The following MFSD8 variants were observed in gnomAD, a reference collection of about 807,000 sequenced individuals.
MFSD8 encodes the protein major facilitator superfamily domain-containing protein 8.
A neutral mutation model predicts 66.4 loss-of-function variants in MFSD8; 55 were observed. The ratio of observed to expected loss-of-function variants is 0.83; its 90% confidence interval spans 0.67 to 1.04. The LOEUF (loss-of-function observed/expected upper bound fraction) is 1.04, where lower values mean the gene tolerates loss of function less well. Among genes scored for constraint, MFSD8 ranks in the 50% least tolerant of loss-of-function variants. MFSD8 has a pLI of 0.00. For missense variants in MFSD8, 550 were observed against 627.6 expected, an observed-to-expected ratio of 0.88 and a Z score of 1.32; for synonymous variants, 202 against 212.8, an observed-to-expected ratio of 0.95 and a Z score of 0.44.
chr4:127,918,113 ATCCTT>A lies in MFSD8; in HGVS notation c.*2512_*2516del, dbSNP rs950682143. On this transcript the variant is annotated 3_prime_UTR_variant, in exon 12 of 12. Transcript: ENST00000641686. ...TAAATCCCTTCAAAATATGAAAATC[ATCCTT>A]TCAAGTTTAAATTTGTTTTCAAAAA... 4.6e-5 allele frequency: 7 copies of A among 152,356 alleles called. No individual in the cohort carries two copies. Among genetic ancestry groups the A allele is most frequent in the South Asian group, 2.1e-4 (1 of 4,830 alleles). 9.4% of individuals were successfully genotyped at this position (152,356 alleles called of 1,614,324 possible).
chr4:127,953,260 G>A (rs896893112), intron 2 of MFSD8, among the ~76,000 whole-genome samples: 6 of 151,610 alleles, frequency 4.0e-5, no homozygotes, highest in South Asian at 4.2e-4. Context: ...AGGCTGAGGC[G>A]GGCGGATCAC....
intron 9 of MFSD8, among the ~76,000 whole-genome samples, chr4:127,927,846 C>T (rs1002700580): frequency 2.0e-5 from 3 of 151,970 alleles, no homozygotes; most frequent in Non-Finnish European, 4.4e-5. Flanking sequence ...TCCATCATAC[C>T]CAGCTAATTG....
intron 6 of MFSD8, 137 bp from the exon 7 acceptor site, chr4:127,938,975 C>T (rs1739618721): frequency 1.4e-5 from 8 of 577,912 alleles, no homozygotes; most frequent in Non-Finnish European, 2.1e-5. Flanking sequence ...AAAACTGTTA[C>T]CAATGAGATA....
chr4:127,923,076 G>C (rs974100342), intron 9 of MFSD8, among the ~76,000 whole-genome samples: 1 of 152,182 alleles, frequency 6.6e-6, no homozygotes. Context: ...TCTGCAAACA[G>C]AGGCAATTTG....
chr4:127,924,352 T>G (rs895022309), intron 9 of MFSD8, among the ~76,000 whole-genome samples: 8 of 151,908 alleles, frequency 5.3e-5, no homozygotes, highest in Non-Finnish European at 1.0e-4. Flanking sequence ...GGACCAGTGG[T>G]GCCCAAAATC....
intron 2 of MFSD8, among the ~76,000 whole-genome samples, chr4:127,953,144 G>A (rs1277809866): frequency 6.6e-6 from 1 of 151,944 alleles, no homozygotes; most frequent in Admixed American, 6.6e-5. Flanking sequence ...GATCCCAGAG[G>A]GTACATTCTG....
At chr4:127,932,432 C>G (rs562187126) in intron 8 of MFSD8, 1 of 152,466 alleles carries the variant, frequency 6.6e-6, no homozygotes, top group East Asian at 1.9e-4. Context: ...TGGTTACTTT[C>G]ACAGAAAGGA....
At position 127,919,883 on chromosome 4, in the gene MFSD8, G is replaced by GT; in HGVS notation, c.*746_*747insA. 1 of 152,072 alleles carries GT rather than the reference G, an allele frequency of 6.6e-6. No homozygotes were observed. 9.4% of individuals were successfully genotyped at this position (152,072 alleles called of 1,614,324 possible). A position where few individuals can be genotyped will look rare whatever the true frequency, so the allele number is the denominator to read the frequency against. Reference sequence around the variant, plus strand: ...CATATCTGGATTATGTTTCTAATGTGAATTTTTGGCATTTGAAAGAAAGTA... The same window carrying GT: ...CATATCTGGATTATGTTTCTAATGTGTAATTTTTGGCATTTGAAAGAAAGTA... On this transcript the variant is annotated 3_prime_UTR_variant, in exon 12 of 12. Transcript: ENST00000641686.
intron 3 of MFSD8, among the ~76,000 whole-genome samples, chr4:127,947,893 C>CAT (rs1560761127): frequency 6.7e-6 from 1 of 149,846 alleles, no homozygotes; most frequent in Non-Finnish European, 1.5e-5. Flanking sequence ...CACACACACA[C>CAT]ACACACTCTC....
rs1006741410 is a variant in MFSD8, at chr4:127,942,116, G to C, written c.482C>G (p.Ser161Cys). ...CATGGAACTTGTTCTTTCCTGAAGG[G>C]AAGTAGCACCAGCAGTATATGATCT... is the stretch of plus-strand genomic sequence containing the variant. Reference protein sequence around the residue: ...VVRSYTAGATSLQERTSSMAN... With the variant: ...VVRSYTAGATCLQERTSSMAN... Residue 161 changes from serine to cysteine, a missense_variant, in exon 5 of 12, where the codon TCC becomes TGC. Physicochemically the swap from Ser to Cys is moderately radical, Grantham distance 112. Transcript: ENST00000641686. 5 of 1,613,836 alleles carry C rather than the reference G, an allele frequency of 3.1e-6. 1 individual carries two copies. The South Asian group carries it at 5.5e-5, about 18-fold the overall frequency.
Position 127,933,046 on chromosome 4 carries a change from C to T in MFSD8, c.802G>A (p.Ala268Thr). The part of the protein sequence containing the change: ...QVPQGNIDQV[A>T]VVAINVLFFV... ...AACAGAACATTGATGGCCACAACAG[C>T]AACCTGGTCAATATTTCCTTGGGGA... Residue 268 changes from alanine (A) to threonine (T), a missense_variant, in exon 8 of 12, where the codon GCT (alanine) becomes ACT (threonine). Physicochemically the swap from Ala to Thr is moderately conservative, Grantham distance 58. Transcript: ENST00000641686. The T allele has an allele frequency of 6.2e-7, 1 of 1,613,800 alleles. No homozygotes were observed. Among genetic ancestry groups the T allele is most frequent in the East Asian group, 2.2e-5 (1 of 44,776 alleles).
In MFSD8 at chr4:127,942,416, C is replaced by T. The variant is rs113530507; in HGVS notation, c.440-258G>A. The stretch of plus-strand genomic sequence containing the variant: ...AAATGGTATCATAAGAAAACCAAGC[C>T]GGGCACAGTGGCTCACATCTGTAAC... On this transcript the variant is annotated intron_variant, in intron 4 of 11. Coordinates refer to ENST00000641686, the MANE Select transcript of MFSD8 (RefSeq NM_001371596.2). 5.6e-3 allele frequency among the ~76,000 whole-genome samples: 852 copies of T among 152,114 alleles called. 13 individuals are homozygous for T. Among genetic ancestry groups the T allele is most frequent in the African/African-American group, 0.019 (797 of 41,474 alleles).
chr4:127,933,786 A>C (rs1253696942), intron 7 of MFSD8: 1 of 152,204 alleles, frequency 6.6e-6, no homozygotes, highest in African/African-American at 2.4e-5. Flanking sequence ...ACCTTACTTA[A>C]ATCTTAGACT....
At chr4:127,930,219 A>T (rs1737900928) in intron 9 of MFSD8, among the ~76,000 whole-genome samples, 1 of 152,182 alleles carries the variant, frequency 6.6e-6, no homozygotes, top group Admixed American at 6.6e-5. Flanking sequence ...CAGTATGGGT[A>T]ACAATACGAG....
intron 2 of MFSD8, among the ~76,000 whole-genome samples, chr4:127,955,299 T>C (rs1207327168): frequency 6.6e-6 from 1 of 152,020 alleles, no homozygotes; most frequent in Admixed American, 6.6e-5. Context: ...TCCTAGCACT[T>C]TGGGAGGCTG....
chr4:127,920,702 G>C lies in MFSD8; in HGVS notation c.1485C>G (p.Thr495=). The change falls in exon 12 of 12, where the codon ACC becomes ACG. Residue 495 remains threonine, a synonymous_variant. Transcript: ENST00000641686. ...TGTAAACCACTCCCAGGAGGGTGAT[G>C]GTGAGCACTATTATTCCACACACCA... ...FSLVCGIIVL[T]ITLLGVVYKR... The C allele has an allele frequency of 6.2e-7, 1 of 1,614,018 alleles. No individual in the cohort carries two copies. Among genetic ancestry groups the C allele is most frequent in the Non-Finnish European group, 8.5e-7 (1 of 1,180,010 alleles).
At chr4:127,953,549 T>G (rs980223316) in intron 2 of MFSD8, among the ~76,000 whole-genome samples, 3 of 133,582 alleles carry the variant, frequency 2.2e-5, no homozygotes, top group Admixed American at 7.4e-5. Context: ...TTCTGTTTTT[T>G]TTTTTTTTTT....
chr4:127,959,214 G>T (rs1199454706), intron 1 of MFSD8, among the ~76,000 whole-genome samples: 1 of 152,104 alleles, frequency 6.6e-6, no homozygotes, highest in African/African-American at 2.4e-5. Context: ...GAAATAAACA[G>T]TCCATAAATC....
Position 127,930,902 on chromosome 4 carries a change from T to G in MFSD8, c.864-85A>C, listed in dbSNP as rs17012788. 49,487 of 1,313,088 alleles carry G rather than the reference T, an allele frequency of 0.038. 3,555 individuals are homozygous for G. Among genetic ancestry groups the G allele is most frequent in the East Asian group, 0.29 (11,616 of 39,614 alleles). The allele number at this position is 1,313,088 out of a possible 1,614,324, so 81.3% of individuals were successfully genotyped here. A position where few individuals can be genotyped will look rare whatever the true frequency, so the allele number is the denominator to read the frequency against. On this transcript the variant is annotated intron_variant, in intron 8 of 11. Coordinates refer to ENST00000641686, the MANE Select transcript of MFSD8 (RefSeq NM_001371596.2). Reference sequence around the variant, plus strand: ...TGAAGTGTAAGTTTTAATAACGACATCTACACATTCAAGAATGTGCATGCC... The same window carrying G: ...TGAAGTGTAAGTTTTAATAACGACAGCTACACATTCAAGAATGTGCATGCC...
Sources: gnomAD v4.1 joint callset for allele counts (sites outside exome capture counted in the v4.1 genomes callset) on GRCh38, gnomAD v4.1.1 for gene constraint, MANE v1.5 for transcripts, NCBI Gene and HGNC (gene_info 2026-07-23, HGNC 2026-07-21) for gene names.